The following DLG2 variants were observed in gnomAD, a reference collection of about 807,000 sequenced individuals.
DLG2 encodes the protein disks large homolog 2.
A neutral mutation model predicts 132.5 loss-of-function variants in DLG2; 45 were observed. The observed-to-expected ratio is 0.34, with a 90% confidence interval of 0.27 to 0.44. The LOEUF (loss-of-function observed/expected upper bound fraction) is 0.44, where lower values mean the gene tolerates loss of function less well. Among genes scored for constraint, DLG2 ranks in the 20% least tolerant of loss-of-function variants. The pLI is 1.00. For synonymous variants in DLG2, 424 were observed against 419.6 expected, an observed-to-expected ratio of 1.01 and a Z score of -0.13; for missense variants, 1,045 against 1,196.9, an observed-to-expected ratio of 0.87 and a Z score of 1.87.
At chr11:84,866,227 C>G (rs1284721348) in intron 6 of DLG2, among the ~76,000 whole-genome samples, 1 of 152,074 alleles carries the variant, frequency 6.6e-6, no homozygotes, top group Non-Finnish European at 1.5e-5. Context: ...AGCATCAAAG[C>G]CAAGGTGATT....
chr11:83,900,923 G>A (rs1265681997), intron 15 of DLG2, among the ~76,000 whole-genome samples: 5 of 152,180 alleles, frequency 3.3e-5, no homozygotes, highest in African/African-American at 1.2e-4. Flanking sequence ...GAAGGAGGCT[G>A]TACCCTGCAA....
At chr11:85,395,181 T>C (rs533954209) in intron 3 of DLG2, among the ~76,000 whole-genome samples, 1 of 152,102 alleles carries the variant, frequency 6.6e-6, no homozygotes, top group African/African-American at 2.4e-5. Flanking sequence ...CATAAACATA[T>C]AAATGAAAAA....
At chr11:84,164,525 T>C (rs1304946758) in intron 8 of DLG2, among the ~76,000 whole-genome samples, 10 of 152,214 alleles carry the variant, frequency 6.6e-5, no homozygotes, top group Admixed American at 6.5e-4. Flanking sequence ...GAGAGTTCTA[T>C]GCAGGCAAGG....
At chr11:84,050,227 T>C (rs750257886) in intron 11 of DLG2, among the ~76,000 whole-genome samples, 2 of 151,406 alleles carry the variant, frequency 1.3e-5, no homozygotes, top group Admixed American at 6.6e-5. Context: ...ATAGAAGATA[T>C]GTGTTGGTAT....
chr11:85,365,007 A>G (rs527759754), intron 3 of DLG2, among the ~76,000 whole-genome samples: 5 of 152,108 alleles, frequency 3.3e-5, no homozygotes, highest in African/African-American at 7.2e-5. Flanking sequence ...TCATACTTTA[A>G]TCTGGGACCC....
intron 9 of DLG2, among the ~76,000 whole-genome samples, chr11:84,144,038 T>A (rs1331671975): frequency 1.3e-5 from 2 of 151,964 alleles, no homozygotes; most frequent in African/African-American, 4.8e-5. Flanking sequence ...GGGGAGAAAA[T>A]ATCTGTCAGA....
chr11:83,668,726 CACATATATAT>C (rs2076221212), intron 18 of DLG2, among the ~76,000 whole-genome samples: 1 of 132,134 alleles, frequency 7.6e-6, no homozygotes, highest in African/African-American at 3.1e-5. Flanking sequence ...TGTATATAAA[CACATATATAT>C]GTGTATATAA....
intron 11 of DLG2, among the ~76,000 whole-genome samples, chr11:84,012,949 T>G (rs544739266): frequency 6.6e-6 from 1 of 152,126 alleles, no homozygotes; most frequent in African/African-American, 2.4e-5. Context: ...ATGATGTTAT[T>G]ACTTCTATCA....
At chr11:84,407,903 C>A (rs961993259) in intron 7 of DLG2, among the ~76,000 whole-genome samples, 2 of 152,036 alleles carry the variant, frequency 1.3e-5, no homozygotes, top group Admixed American at 1.3e-4. Context: ...GAGTGTATTG[C>A]AAAACAAGGA....
At chr11:84,785,972 A>G (rs2072815624) in intron 6 of DLG2, among the ~76,000 whole-genome samples, 1 of 151,990 alleles carries the variant, frequency 6.6e-6, no homozygotes, top group Non-Finnish European at 1.5e-5. Context: ...TTTTTTCCCA[A>G]GAAGATCTGT....
intron 4 of DLG2, among the ~76,000 whole-genome samples, chr11:85,239,872 CAAA>C (rs375241952): frequency 0.022 from 3,352 of 151,942 alleles, 61 homozygotes; most frequent in Admixed American, 0.038. Context: ...GTCTATGTTT[CAAA>C]CTCTACAAAA....
intron 6 of DLG2, among the ~76,000 whole-genome samples, chr11:84,715,988 C>T (rs2061177343): frequency 6.6e-6 from 1 of 152,084 alleles, no homozygotes; most frequent in Admixed American, 6.6e-5. Flanking sequence ...AACCTTCACA[C>T]TGTTTTCCAT....
At chr11:84,104,379 A>G (rs1425569988) in intron 9 of DLG2, among the ~76,000 whole-genome samples, 1 of 152,108 alleles carries the variant, frequency 6.6e-6, no homozygotes, top group Non-Finnish European at 1.5e-5. Flanking sequence ...TCGGGTACAC[A>G]TGAACATAAA....
chr11:85,548,181 C>T (rs1360765093), intron 3 of DLG2, among the ~76,000 whole-genome samples: 2 of 152,164 alleles, frequency 1.3e-5, no homozygotes, highest in African/African-American at 4.8e-5. Flanking sequence ...GAGTGGATGT[C>T]CTTTTTGTTG....
intron 16 of DLG2, among the ~76,000 whole-genome samples, chr11:83,848,747 A>G (rs1257918563): frequency 6.6e-6 from 1 of 152,182 alleles, no homozygotes; most frequent in Non-Finnish European, 1.5e-5. Context: ...TCAACTTCCA[A>G]TACATTCCTT....
intron 18 of DLG2, among the ~76,000 whole-genome samples, chr11:83,675,801 A>T (rs994305037): frequency 3.9e-5 from 6 of 152,198 alleles, no homozygotes; most frequent in African/African-American, 1.4e-4. Context: ...AGCTTTTGTG[A>T]CTGCAAAGAG....
chr11:85,274,305 T>G (rs1379440435), intron 4 of DLG2, among the ~76,000 whole-genome samples: 2 of 152,140 alleles, frequency 1.3e-5, no homozygotes, highest in Non-Finnish European at 2.9e-5. Flanking sequence ...GGTGGGCCAT[T>G]GTTATCATAG....
intron 3 of DLG2, among the ~76,000 whole-genome samples, chr11:85,298,899 G>A (rs1464388815): frequency 6.6e-6 from 1 of 152,052 alleles, no homozygotes; most frequent in African/African-American, 2.4e-5. Context: ...TTTAAGTGCT[G>A]TACTGTACTT....
intron 15 of DLG2, among the ~76,000 whole-genome samples, chr11:83,928,528 C>T (rs2079453993): frequency 6.6e-6 from 1 of 151,850 alleles, no homozygotes; most frequent in Non-Finnish European, 1.5e-5. Context: ...GACACAGAGC[C>T]AGAAGAAGGG....
Sources: gnomAD v4.1 joint callset for allele counts (sites outside exome capture counted in the v4.1 genomes callset) on GRCh38, gnomAD v4.1.1 for gene constraint, MANE v1.5 for transcripts, NCBI Gene and HGNC (gene_info 2026-07-23, HGNC 2026-07-21) for gene names.